Variants in TSNARE1 observed in about 807,000 individuals in gnomAD.
TSNARE1 encodes the protein t-SNARE domain containing 1, also known as t-SNARE domain-containing protein 1.
TSNARE1 carries 49 observed loss-of-function variants against 62.0 expected under a neutral mutation model. That is an observed-to-expected ratio of 0.79 (90% CI 0.63 to 1.00). The LOEUF (loss-of-function observed/expected upper bound fraction) is 1.00, where lower values mean the gene tolerates loss of function less well. TSNARE1 is among the 50% of genes least tolerant of loss of function. The pLI, the probability that TSNARE1 is intolerant of heterozygous loss-of-function variation, is 0.00. For missense variants in TSNARE1, 755 were observed against 700.1 expected, an observed-to-expected ratio of 1.08 and a Z score of -0.88; for synonymous variants, 328 against 294.4, an observed-to-expected ratio of 1.11 and a Z score of -1.17.
intron 1 of TSNARE1, among the ~76,000 whole-genome samples, chr8:142,361,817 G>A (rs949157449): frequency 6.6e-6 from 1 of 152,186 alleles, no homozygotes; most frequent in African/African-American, 2.4e-5. Flanking sequence ...CACACACAGG[G>A]AGCAGAGGCC....
chr8:142,320,722 G>A (rs1219835848), intron 6 of TSNARE1, among the ~76,000 whole-genome samples: 5 of 152,236 alleles, frequency 3.3e-5, no homozygotes, highest in African/African-American at 9.6e-5. Context: ...CTGTGGTCAC[G>A]CTGCCACCGT....
intron 11 of TSNARE1, among the ~76,000 whole-genome samples, chr8:142,282,233 C>T (rs1821623216): frequency 6.6e-6 from 1 of 152,202 alleles, no homozygotes. Flanking sequence ...AGCACGGGTA[C>T]ATCCATAGCA....
chr8:142,329,906 G>A (rs900916631), intron 6 of TSNARE1, among the ~76,000 whole-genome samples: 3 of 152,272 alleles, frequency 2.0e-5, no homozygotes, highest in Non-Finnish European at 4.4e-5. Context: ...GCTGGTGCGT[G>A]AGGCTGTGTG....
intron 9 of TSNARE1, among the ~76,000 whole-genome samples, chr8:142,303,151 C>G (rs1168394021): frequency 1.3e-5 from 2 of 152,216 alleles, no homozygotes; most frequent in African/African-American, 2.4e-5. Flanking sequence ...GCTGTAGAGG[C>G]TGCAACTTGC....
intron 6 of TSNARE1, among the ~76,000 whole-genome samples, chr8:142,321,274 C>T (rs756673114): frequency 1.3e-5 from 2 of 152,112 alleles, no homozygotes; most frequent in Non-Finnish European, 2.9e-5. Context: ...GGCAGTACCT[C>T]CTACCTCAAA....
At chr8:142,301,422 C>T (rs1421592499) in intron 9 of TSNARE1, among the ~76,000 whole-genome samples, 1 of 130,320 alleles carries the variant, frequency 7.7e-6, no homozygotes, top group Non-Finnish European at 1.6e-5. Context: ...TGCCCCCCAC[C>T]TGCCCTGCCC....
At chr8:142,278,246 C>T (rs937967619) in intron 11 of TSNARE1, 16 of 985,338 alleles carry the variant, frequency 1.6e-5, no homozygotes, top group African/African-American at 8.7e-5. Context: ...CCAACCAGTC[C>T]GGCCCACTCT....
At chr8:142,386,215 T>C (rs1199819608) in intron 1 of TSNARE1, among the ~76,000 whole-genome samples, 1 of 152,200 alleles carries the variant, frequency 6.6e-6, no homozygotes, top group Admixed American at 6.5e-5. Flanking sequence ...TAACATGACA[T>C]GATCACAGGT....
chr8:142,392,888 C>T (rs533135850), intron 1 of TSNARE1, among the ~76,000 whole-genome samples: 133 of 150,342 alleles, frequency 8.8e-4, no homozygotes, highest in African/African-American at 3.1e-3. Context: ...TGCGGTGAGC[C>T]GAGATTGCAC....
At position 142,264,393 on chromosome 8, in the gene TSNARE1, A is replaced by G. The variant is rs1482407722; in HGVS notation, c.1446+10388T>C. ...GGAAATATTCCGGTTGTACCTGAGAAAATGAGTGCCCTCTATTTGTGTAGC... is the reference window on the plus strand; with the variant it reads ...GGAAATATTCCGGTTGTACCTGAGAGAATGAGTGCCCTCTATTTGTGTAGC... On this transcript the variant is annotated intron_variant, in intron 12 of 13. Coordinates refer to ENST00000524325, the MANE Select transcript of TSNARE1 (RefSeq NM_145003.5). Among the ~76,000 whole-genome samples the G allele has an allele frequency of 2.0e-5, 3 of 152,236 alleles. No homozygotes were observed. The East Asian group carries it at 5.8e-4, about 29-fold the overall frequency.
At chr8:142,315,937 G>A (rs1828458074) in intron 7 of TSNARE1, among the ~76,000 whole-genome samples, 1 of 152,184 alleles carries the variant, frequency 6.6e-6, no homozygotes, top group Admixed American at 6.5e-5. Flanking sequence ...GACGTGGTAG[G>A]CACTGACCGT....
intron 11 of TSNARE1, among the ~76,000 whole-genome samples, chr8:142,282,612 G>C (rs1180336078): frequency 1.5e-5 from 2 of 130,078 alleles, no homozygotes; most frequent in Non-Finnish European, 3.3e-5. Context: ...GCAGAGGGGA[G>C]GCCACTGTCT....
chr8:142,352,130 T>C (rs1159661773), intron 2 of TSNARE1, among the ~76,000 whole-genome samples: 2 of 152,202 alleles, frequency 1.3e-5, no homozygotes, highest in South Asian at 2.1e-4. Flanking sequence ...CCGGCCTGGA[T>C]TGGGCTGTGT....
At chr8:142,337,577 G>A (rs562263314) in intron 4 of TSNARE1, among the ~76,000 whole-genome samples, 5 of 152,336 alleles carry the variant, frequency 3.3e-5, no homozygotes, top group South Asian at 2.1e-4. Flanking sequence ...TGAGGGAGCC[G>A]CGGGGAGTGC....
intron 6 of TSNARE1, among the ~76,000 whole-genome samples, chr8:142,322,847 G>A (rs1829670273): frequency 2.0e-5 from 3 of 151,962 alleles, no homozygotes; most frequent in Admixed American, 1.3e-4. Context: ...CGAAAGGCCG[G>A]CCTGGCCGTG....
intron 1 of TSNARE1, among the ~76,000 whole-genome samples, chr8:142,355,864 C>T (rs773697811): frequency 2.0e-5 from 3 of 152,154 alleles, no homozygotes; most frequent in African/African-American, 4.8e-5. Flanking sequence ...AGCAAGACAC[C>T]CGCCTGTGCC....
intron 12 of TSNARE1, among the ~76,000 whole-genome samples, chr8:142,261,473 G>A (rs534713577): frequency 1.3e-5 from 2 of 151,898 alleles, no homozygotes; most frequent in East Asian, 3.9e-4. Flanking sequence ...AACACCTGCT[G>A]GGAACTCAGC....
chr8:142,328,749 G>T (rs1830597929), intron 6 of TSNARE1, among the ~76,000 whole-genome samples: 1 of 151,150 alleles, frequency 6.6e-6, no homozygotes, highest in Non-Finnish European at 1.5e-5. Flanking sequence ...AGCTGCCACT[G>T]AGCCCCGCCC....
chr8:142,227,333 CCAGG>C (rs1422957094), intron 13 of TSNARE1, among the ~76,000 whole-genome samples: 13 of 111,272 alleles, frequency 1.2e-4, no homozygotes, highest in African/African-American at 9.4e-4. Context: ...CCAGTGATAG[CCAGG>C]ACCCCCATCC....
Sources: allele counts gnomAD v4.1 joint callset (sites outside exome capture counted in the v4.1 genomes callset), GRCh38; gene constraint gnomAD v4.1.1; transcripts MANE v1.5; gene names NCBI Gene and HGNC (gene_info 2026-07-23, HGNC 2026-07-21).